Variants in GNAL observed in about 807,000 individuals in gnomAD.
GNAL encodes the protein G protein subunit alpha L, also known as guanine nucleotide-binding protein G(olf) subunit alpha.
In GNAL, 18 loss-of-function variants were observed where a neutral mutation model predicts 55.1. The ratio of observed to expected loss-of-function variants is 0.33; its 90% CI spans 0.23 to 0.48. The LOEUF is 0.48. Ranked by LOEUF, GNAL falls within the 20% of genes least tolerant of loss-of-function variation. The pLI is 0.99. For missense variants in GNAL, 412 were observed against 614.1 expected (o/e 0.67, Z 3.48); for synonymous variants, 253 against 237.0 (o/e 1.07, Z -0.62).
chr18:11,745,923 A>G (rs1425040542), intron 1 of GNAL: 2 of 218,406 alleles, frequency 9.2e-6, no homozygotes, highest in South Asian at 6.6e-5. Context: ...GGGATTGAGC[A>G]AACAGTTTGT....
chr18:11,784,097 AGTAGC>A (rs768152092), intron 4 of GNAL, among the ~76,000 whole-genome samples: 1 of 152,206 alleles, frequency 6.6e-6, no homozygotes, highest in Non-Finnish European at 1.5e-5. Flanking sequence ...CAGGGCAGAG[AGTAGC>A]GTTGCCTGAG....
chr18:11,750,500 G>A (rs1286201725), intron 1 of GNAL, among the ~76,000 whole-genome samples: 1 of 152,116 alleles, frequency 6.6e-6, no homozygotes, highest in Non-Finnish European at 1.5e-5. Context: ...TCGGACCCCT[G>A]GGTGGAGGAG....
At chr18:11,876,312 A>G (rs965729315) in intron 10 of GNAL, among the ~76,000 whole-genome samples, 14 of 152,098 alleles carry the variant, frequency 9.2e-5, no homozygotes, top group Admixed American at 3.9e-4. Flanking sequence ...TCTCTACAAA[A>G]ATTAGCCAGT....
At chr18:11,789,154 G>A (rs1453151200) in intron 4 of GNAL, among the ~76,000 whole-genome samples, 5 of 151,662 alleles carry the variant, frequency 3.3e-5, no homozygotes, top group Admixed American at 2.0e-4. Context: ...TGCCAACCCT[G>A]CCACAACACA....
chr18:11,759,888 G>GT (rs1491476772), intron 4 of GNAL, among the ~76,000 whole-genome samples: 4 of 152,090 alleles, frequency 2.6e-5, no homozygotes, highest in Non-Finnish European at 5.9e-5. Flanking sequence ...GTGGGTTTTC[G>GT]TGTGTGTGTC....
At chr18:11,771,803 C>T (rs1405268105) in intron 4 of GNAL, among the ~76,000 whole-genome samples, 4 of 152,178 alleles carry the variant, frequency 2.6e-5, no homozygotes, top group African/African-American at 7.2e-5. Context: ...CAACCTCCTC[C>T]TTCTGGGTTC....
intron 1 of GNAL, among the ~76,000 whole-genome samples, chr18:11,734,363 G>C (rs571768733): frequency 9.2e-5 from 14 of 151,898 alleles, no homozygotes; most frequent in Non-Finnish European, 1.6e-4. Flanking sequence ...GGATGGTTTC[G>C]ATCCCTTGAC....
At chr18:11,791,931 G>T (rs968016380) in intron 4 of GNAL, among the ~76,000 whole-genome samples, 1 of 151,158 alleles carries the variant, frequency 6.6e-6, no homozygotes, top group Non-Finnish European at 1.5e-5. Context: ...GGTGTCTCCT[G>T]CACAGTTAAG....
At chr18:11,797,808 C>CT (rs1392667890) in intron 4 of GNAL, among the ~76,000 whole-genome samples, 1 of 151,464 alleles carries the variant, frequency 6.6e-6, no homozygotes, top group Non-Finnish European at 1.5e-5. Context: ...GATATGCATT[C>CT]TTTTTTTTCA....
intron 4 of GNAL, among the ~76,000 whole-genome samples, chr18:11,819,935 C>T (rs906923330): frequency 3.3e-4 from 50 of 151,056 alleles, no homozygotes; most frequent in African/African-American, 1.1e-3. Flanking sequence ...TGCACAGGGG[C>T]GTCACAGAAA....
At chr18:11,704,052 G>A (rs1369646546) in intron 1 of GNAL, among the ~76,000 whole-genome samples, 1 of 152,144 alleles carries the variant, frequency 6.6e-6, no homozygotes, top group Non-Finnish European at 1.5e-5. Context: ...GTTCGTTTAG[G>A]AACACAGAGG....
intron 1 of GNAL, among the ~76,000 whole-genome samples, chr18:11,692,166 C>T (rs576980416): frequency 2.0e-4 from 30 of 152,246 alleles, no homozygotes; most frequent in African/African-American, 7.2e-4. Context: ...GGAGAAGGAG[C>T]TATTCCATGA....
chr18:11,728,134 A>G (rs2032253578), intron 1 of GNAL, among the ~76,000 whole-genome samples: 1 of 152,074 alleles, frequency 6.6e-6, no homozygotes, highest in Non-Finnish European at 1.5e-5. Context: ...GGATCCCTTG[A>G]GCCCAGGAGA....
chr18:11,767,315 C>T (rs2033438858), intron 4 of GNAL, among the ~76,000 whole-genome samples: 1 of 151,388 alleles, frequency 6.6e-6, no homozygotes, highest in Non-Finnish European at 1.5e-5. Flanking sequence ...TGTGCCTTTA[C>T]ACTTGCATGC....
intron 4 of GNAL, among the ~76,000 whole-genome samples, chr18:11,763,270 G>A (rs979303023): frequency 1.3e-5 from 2 of 152,134 alleles, no homozygotes; most frequent in African/African-American, 2.4e-5. Flanking sequence ...TTTTGTGAAC[G>A]ATTTGAGAGT....
intron 5 of GNAL, among the ~76,000 whole-genome samples, chr18:11,859,709 C>G (rs1289211900): frequency 6.6e-6 from 1 of 152,158 alleles, no homozygotes; most frequent in Non-Finnish European, 1.5e-5. Context: ...AGCCCTGTCA[C>G]CTGGGCCATA....
intron 1 of GNAL, among the ~76,000 whole-genome samples, chr18:11,735,984 T>C (rs1013745184): frequency 6.6e-6 from 1 of 152,194 alleles, no homozygotes; most frequent in African/African-American, 2.4e-5. Flanking sequence ...CATAGTGATT[T>C]GATATGCAGA....
intron 1 of GNAL, among the ~76,000 whole-genome samples, chr18:11,705,803 T>C (rs1201154046): frequency 1.3e-5 from 2 of 148,610 alleles, no homozygotes. Flanking sequence ...TCACCCAGGC[T>C]GGATTGCAGT....
intron 4 of GNAL, among the ~76,000 whole-genome samples, chr18:11,758,606 A>T (rs1201416087): frequency 2.0e-5 from 3 of 152,188 alleles, no homozygotes; most frequent in African/African-American, 7.2e-5. Flanking sequence ...TAACACAAAC[A>T]TATTTTACAA....
Sources: allele counts gnomAD v4.1 joint callset (sites outside exome capture counted in the v4.1 genomes callset), GRCh38; gene constraint gnomAD v4.1.1; transcripts MANE v1.5; gene names NCBI Gene and HGNC (gene_info 2026-07-23, HGNC 2026-07-21).